Variants in JARID2 observed in about 807,000 individuals in gnomAD.
JARID2 encodes the protein protein Jumonji.
Under a neutral mutation model 125.6 loss-of-function variants are expected in JARID2, and 21 were observed. The observed-to-expected ratio is 0.17, with a 90% CI of 0.12 to 0.24. JARID2 has a LOEUF of 0.24. Among genes scored for constraint, JARID2 ranks in the 10% least tolerant of loss-of-function variants. The pLI, the probability that JARID2 is intolerant of heterozygous loss-of-function variation, is 1.00. For missense variants in JARID2, 1,303 were observed against 1,639.6 expected, an observed-to-expected ratio of 0.79 and a Z score of 3.55; for synonymous variants, 736 against 661.6, an observed-to-expected ratio of 1.11 and a Z score of -1.73.
At chr6:15,356,563 A>G (rs1581449956) in intron 1 of JARID2, among the ~76,000 whole-genome samples, 1 of 151,516 alleles carries the variant, frequency 6.6e-6, no homozygotes, top group Non-Finnish European at 1.5e-5. Context: ...TTTTTTTTTT[A>G]GGCAAATTCA....
chr6:15,423,534 G>A (rs73365227), intron 3 of JARID2, among the ~76,000 whole-genome samples: 4,698 of 152,222 alleles, frequency 0.031, 235 homozygotes, highest in African/African-American at 0.11. Flanking sequence ...AAGACAGGCT[G>A]GTATTTTAAG....
At chr6:15,498,658 C>A (rs1312772452) in intron 7 of JARID2, among the ~76,000 whole-genome samples, 2 of 152,232 alleles carry the variant, frequency 1.3e-5, no homozygotes, top group African/African-American at 2.4e-5. Context: ...GGCTTCCAGG[C>A]AGGATGGAGG....
chr6:15,263,343 G>A (rs1029319982), intron 1 of JARID2, among the ~76,000 whole-genome samples: 1 of 151,996 alleles, frequency 6.6e-6, no homozygotes, highest in African/African-American at 2.4e-5. Context: ...TTTGGCAGAG[G>A]ACTATGGGGA....
chr6:15,418,240 A>G (rs1766326567), intron 3 of JARID2, among the ~76,000 whole-genome samples: 1 of 140,462 alleles, frequency 7.1e-6, no homozygotes, highest in African/African-American at 2.7e-5. Context: ...TTTTTTGGTA[A>G]GACAGTCTTG....
chr6:15,385,161 C>A (rs1764737241), intron 2 of JARID2, among the ~76,000 whole-genome samples: 1 of 152,216 alleles, frequency 6.6e-6, no homozygotes, highest in South Asian at 2.1e-4. Context: ...TCACTCTGTT[C>A]TCATTGTCTC....
At chr6:15,447,564 T>A (rs1385935647) in intron 3 of JARID2, among the ~76,000 whole-genome samples, 2 of 152,186 alleles carry the variant, frequency 1.3e-5, no homozygotes, top group East Asian at 3.9e-4. Context: ...TTTTACCTCT[T>A]CAACCCCAGG....
chr6:15,484,347 G>A (rs1429124736), intron 5 of JARID2, among the ~76,000 whole-genome samples: 3 of 152,220 alleles, frequency 2.0e-5, no homozygotes, highest in Non-Finnish European at 4.4e-5. Flanking sequence ...GACGTAACAG[G>A]CATGGTCAGT....
chr6:15,342,831 G>C (rs1306070991), intron 1 of JARID2, among the ~76,000 whole-genome samples: 1 of 152,134 alleles, frequency 6.6e-6, no homozygotes, highest in East Asian at 1.9e-4. Context: ...TAATTTAGGT[G>C]TTTAGTACTA....
chr6:15,396,305 T>C (rs1765215855), intron 2 of JARID2, among the ~76,000 whole-genome samples: 1 of 152,192 alleles, frequency 6.6e-6, no homozygotes, highest in African/African-American at 2.4e-5. Context: ...CCCTTTTACT[T>C]GTGTAATTAA....
intron 2 of JARID2, among the ~76,000 whole-genome samples, chr6:15,382,438 G>A (rs1304613792): frequency 1.3e-5 from 2 of 152,074 alleles, no homozygotes; most frequent in African/African-American, 4.8e-5. Context: ...GGGTGGCAGG[G>A]GTCAGCAAAT....
intron 4 of JARID2, among the ~76,000 whole-genome samples, chr6:15,458,629 G>A (rs1008384512): frequency 3.3e-5 from 5 of 152,202 alleles, no homozygotes; most frequent in African/African-American, 9.7e-5. Flanking sequence ...CAGTATTGGT[G>A]GTGGGTGAAA....
chr6:15,248,199 C>T (rs1361306368), intron 1 of JARID2: 2 of 588,694 alleles, frequency 3.4e-6, no homozygotes, highest in Non-Finnish European at 4.2e-6. Context: ...GTGTTCCCGA[C>T]GTCCTCGAGC....
At chr6:15,483,797 C>A (rs999535491) in intron 5 of JARID2, among the ~76,000 whole-genome samples, 12 of 152,130 alleles carry the variant, frequency 7.9e-5, no homozygotes, top group African/African-American at 2.7e-4. Flanking sequence ...CATATGGGAA[C>A]TCCTACGTTT....
In JARID2 at chr6:15,496,738, G is replaced by A. The variant is rs556846414; in HGVS notation, c.1513G>A (p.Gly505Arg). ...GAATCGGCCGAAGCGGGCCACGGCCGGGAAGAGCACGCCAGGCAGACAAGC... is the reference window on the plus strand; with the variant it reads ...GAATCGGCCGAAGCGGGCCACGGCCAGGAAGAGCACGCCAGGCAGACAAGC... Reference protein sequence around the residue: ...ERNRPKRATAGKSTPGRQAHG... With the variant: ...ERNRPKRATARKSTPGRQAHG... Residue 505 changes from glycine to arginine, a missense_variant, in exon 7 of 18, where the codon GGG (glycine) becomes AGG (arginine). Transcript: ENST00000341776. 1.3e-5 allele frequency: 21 copies of A among 1,613,606 alleles called. No individual in the cohort carries two copies. The highest frequency in any genetic ancestry group is 3.3e-5 in the Admixed American group (2 of 60,008).
intron 1 of JARID2, among the ~76,000 whole-genome samples, chr6:15,263,111 TGTGTGTGG>T (rs1759950147): frequency 1.0e-4 from 12 of 120,602 alleles, no homozygotes; most frequent in African/African-American, 3.7e-4. Context: ...TGTGTGTGTG[TGTGTGTGG>T]TAGGGGTCCT....
At chr6:15,474,200 A>G (rs779728547) in intron 5 of JARID2, among the ~76,000 whole-genome samples, 1 of 152,268 alleles carries the variant, frequency 6.6e-6, no homozygotes, top group African/African-American at 2.4e-5. Flanking sequence ...ACTATTTTCA[A>G]CAGTAGAGAA....
intron 3 of JARID2, among the ~76,000 whole-genome samples, chr6:15,423,104 A>T (rs1413802724): frequency 2.7e-5 from 4 of 150,818 alleles, no homozygotes; most frequent in Non-Finnish European, 5.9e-5. Context: ...GGTGCAAGTG[A>T]TCCTCCTGTC....
At chr6:15,418,018 G>GA (rs1240978520) in intron 3 of JARID2, among the ~76,000 whole-genome samples, 3 of 152,136 alleles carry the variant, frequency 2.0e-5, no homozygotes, top group Non-Finnish European at 4.4e-5. Flanking sequence ...TGAGTCACGG[G>GA]AAGGACCCTG....
chr6:15,257,923 A>G (rs1405892324), intron 1 of JARID2, among the ~76,000 whole-genome samples: 3 of 152,250 alleles, frequency 2.0e-5, no homozygotes, highest in Non-Finnish European at 4.4e-5. Context: ...CTCTAAGAAC[A>G]CAATGTGTTA....
Sources: gnomAD v4.1 joint callset for allele counts (sites outside exome capture counted in the v4.1 genomes callset) on GRCh38, gnomAD v4.1.1 for gene constraint, MANE v1.5 for transcripts, NCBI Gene and HGNC (gene_info 2026-07-23, HGNC 2026-07-21) for gene names.